Variants in PIBF1 observed in about 807,000 individuals in gnomAD.
PIBF1 encodes the protein progesterone immunomodulatory binding factor 1, also known as progesterone-induced-blocking factor 1.
A neutral mutation model predicts 112.5 loss-of-function variants in PIBF1; 90 were observed. That is an observed-to-expected ratio of 0.80 (90% confidence interval 0.67 to 0.95). The LOEUF is 0.95. Among genes scored for constraint, PIBF1 ranks in the 40% least tolerant of loss-of-function variants. The pLI is 0.00. For synonymous variants in PIBF1, 301 were observed against 288.6 expected, an observed-to-expected ratio of 1.04 and a Z score of -0.44; for missense variants, 915 against 852.3, an observed-to-expected ratio of 1.07 and a Z score of -0.92.
At chr13:72,811,940 G>T (rs1291561392) in intron 5 of PIBF1, among the ~76,000 whole-genome samples, 1 of 152,206 alleles carries the variant, frequency 6.6e-6, no homozygotes. Context: ...TATACATGCT[G>T]TATGAAGAGA....
chr13:72,985,371 C>CAAAAA lies in PIBF1; in HGVS notation c.2049+11714_2049+11718dup, dbSNP rs67195605. On this transcript the variant is annotated intron_variant, in intron 16 of 17. Coordinates refer to ENST00000326291, the MANE Select transcript of PIBF1 (RefSeq NM_006346.4). ...TGAAACCCTGTCTCTACTAAAAATA[C>CAAAAA]AAAAAAAAAAAAAAAAAAAAAAGCC... Among the ~76,000 whole-genome samples, 177 of 76,254 alleles carry CAAAAA rather than the reference C, an allele frequency of 2.3e-3. 4 individuals carry two copies. The highest frequency in any genetic ancestry group is 8.4e-3 in the African/African-American group (150 of 17,964). The allele number at this position is 76,254 out of a possible 152,430, so 50.0% of individuals were successfully genotyped here.
intron 16 of PIBF1, among the ~76,000 whole-genome samples, chr13:72,980,225 G>T (rs1046368114): frequency 6.6e-6 from 1 of 152,170 alleles, no homozygotes; most frequent in Non-Finnish European, 1.5e-5. Flanking sequence ...CATGGAAATA[G>T]AGTAAATGAA....
At chr13:72,792,580 A>G (rs894078356) in intron 3 of PIBF1, 33 bp downstream of exon 3, 4 of 1,108,438 alleles carry the variant, frequency 3.6e-6, no homozygotes, top group East Asian at 5.0e-5. Flanking sequence ...AAAAAACAAC[A>G]TCTATTTAGC....
chr13:72,824,968 T>C (rs1460715100), intron 6 of PIBF1, among the ~76,000 whole-genome samples: 3 of 152,172 alleles, frequency 2.0e-5, no homozygotes, highest in Admixed American at 1.3e-4. Context: ...AATCTAATAA[T>C]GAAGAAACTT....
chr13:72,985,812 A>C (rs1180781793), intron 16 of PIBF1, among the ~76,000 whole-genome samples: 2 of 152,026 alleles, frequency 1.3e-5, no homozygotes, highest in Non-Finnish European at 2.9e-5. Context: ...GATGCTGAAA[A>C]TCAACAAGAA....
intron 10 of PIBF1, among the ~76,000 whole-genome samples, chr13:72,861,457 G>C (rs966063131): frequency 1.3e-5 from 2 of 152,106 alleles, no homozygotes; most frequent in Non-Finnish European, 2.9e-5. Context: ...AAATAAGAAG[G>C]CATGGGAAAT....
At chr13:72,949,720 T>C (rs1364396834) in intron 14 of PIBF1, among the ~76,000 whole-genome samples, 1 of 152,234 alleles carries the variant, frequency 6.6e-6, no homozygotes, top group East Asian at 1.9e-4. Context: ...TGTGTGTGTG[T>C]ATCTGAAACA....
intron 15 of PIBF1, among the ~76,000 whole-genome samples, chr13:72,968,898 C>G (rs1457581807): frequency 6.6e-6 from 1 of 151,638 alleles, no homozygotes; most frequent in Admixed American, 6.6e-5. Context: ...AAAAATTTGC[C>G]AGTGTGATGG....
intron 11 of PIBF1, among the ~76,000 whole-genome samples, chr13:72,899,725 C>T (rs1594152620): frequency 6.6e-6 from 1 of 152,110 alleles, no homozygotes; most frequent in Non-Finnish European, 1.5e-5. Context: ...CACCACTCCT[C>T]TTCAATATAG....
rs140734865 is a variant in PIBF1, at chr13:72,934,971, T to C, written c.1833+3704T>C. On this transcript the variant is annotated intron_variant, in intron 14 of 17. Transcript: ENST00000326291. ...TAGGTTAGTTAGTTAGTTAGTTTGTTTGTCTGTCTGTTTGTTTGTTTGTTT... is the reference window on the plus strand; with the variant it reads ...TAGGTTAGTTAGTTAGTTAGTTTGTCTGTCTGTCTGTTTGTTTGTTTGTTT... 5.4e-3 allele frequency among the ~76,000 whole-genome samples: 823 copies of C among 152,118 alleles called. 15 individuals are homozygous for C. The highest frequency in any genetic ancestry group is 0.018 in the African/African-American group (766 of 41,510).
At chr13:72,824,813 C>T (rs962415162) in intron 6 of PIBF1, among the ~76,000 whole-genome samples, 2 of 152,170 alleles carry the variant, frequency 1.3e-5, no homozygotes, top group African/African-American at 4.8e-5. Context: ...ACCTAGTGAT[C>T]AAAGTTACTA....
chr13:72,902,027 C>CA (rs1414251741), intron 11 of PIBF1, among the ~76,000 whole-genome samples: 1 of 23,626 alleles, frequency 4.2e-5, no homozygotes, highest in Non-Finnish European at 7.9e-5. Context: ...TGTGTGTATA[C>CA]ACACACATGA....
intron 17 of PIBF1, among the ~76,000 whole-genome samples, chr13:73,004,743 G>A (rs1247301451): frequency 6.6e-6 from 1 of 152,190 alleles, no homozygotes; most frequent in Non-Finnish European, 1.5e-5. Context: ...AAAGTAGAGT[G>A]GTGGTTGTCA....
intron 14 of PIBF1, among the ~76,000 whole-genome samples, chr13:72,937,864 T>G (rs1404921414): frequency 6.6e-6 from 1 of 152,122 alleles, no homozygotes; most frequent in Admixed American, 6.6e-5. Context: ...TATAAAGAGA[T>G]ATAATAATAT....
intron 10 of PIBF1, among the ~76,000 whole-genome samples, chr13:72,862,650 G>A (rs971680901): frequency 6.6e-6 from 1 of 152,158 alleles, no homozygotes; most frequent in Non-Finnish European, 1.5e-5. Context: ...TTAGAGAGTA[G>A]CAGTTATTTG....
At chr13:72,802,512 G>C (rs917375125) in intron 5 of PIBF1, among the ~76,000 whole-genome samples, 2 of 152,098 alleles carry the variant, frequency 1.3e-5, no homozygotes, top group African/African-American at 4.8e-5. Flanking sequence ...AAAAAAGGTA[G>C]AGTCATGAAT....
chr13:72,855,146 GGGTCTTT>G (rs2038358665), intron 10 of PIBF1, among the ~76,000 whole-genome samples: 1 of 151,970 alleles, frequency 6.6e-6, no homozygotes, highest in Non-Finnish European at 1.5e-5. Context: ...TAAGTTCAAT[GGGTCTTT>G]TAATTGTTAA....
rs1326024290 is a variant in PIBF1 at position 72,882,434 on chromosome 13, A to G, written c.1323-11350A>G. ...AGGCAGCCAAAGCAAAAATGGACAA[A>G]TGGGATATCATCAAGTAGAAAACCT... On this transcript the variant is annotated intron_variant, in intron 10 of 17. Transcript: ENST00000326291. Among the ~76,000 whole-genome samples the G allele has an allele frequency of 7.2e-5, 11 of 152,322 alleles. No homozygotes were observed. The East Asian group carries it at 2.1e-3, about 29-fold the overall frequency.
intron 14 of PIBF1, among the ~76,000 whole-genome samples, chr13:72,962,297 A>G (rs989468923): frequency 2.2e-4 from 34 of 152,276 alleles, no homozygotes; most frequent in African/African-American, 8.2e-4. Flanking sequence ...AAACAATTCC[A>G]TGTACAATAG....
Sources: allele counts gnomAD v4.1 joint callset (sites outside exome capture counted in the v4.1 genomes callset), GRCh38; gene constraint gnomAD v4.1.1; transcripts MANE v1.5; gene names NCBI Gene and HGNC (gene_info 2026-07-23, HGNC 2026-07-21).